The following CCDC7 variants were observed in gnomAD, a reference collection of about 807,000 sequenced individuals.
CCDC7 encodes coiled-coil domain-containing protein 7.
Under a neutral mutation model 196.9 loss-of-function variants are expected in CCDC7, and 183 were observed. The observed-to-expected ratio is 0.93, with a 90% CI of 0.82 to 1.05. The LOEUF is 1.05. CCDC7 is among the 50% of genes least tolerant of loss of function. CCDC7 has a pLI of 0.00. For missense variants in CCDC7, 1,540 were observed against 1,482.2 expected (o/e 1.04, Z -0.64); for synonymous variants, 525 against 484.6 (o/e 1.08, Z -1.10).
At chr10:32,754,336 G>A (rs1335987) in intron 28 of CCDC7, among the ~76,000 whole-genome samples, 52,131 of 151,956 alleles carry the variant, frequency 0.34, 11,329 homozygotes, top group Non-Finnish European at 0.49. Context: ...ATAAACACTA[G>A]GAAATATGTG....
intron 14 of CCDC7, among the ~76,000 whole-genome samples, chr10:32,566,284 G>A (rs2056776317): frequency 6.6e-6 from 1 of 151,800 alleles, no homozygotes; most frequent in Non-Finnish European, 1.5e-5. Context: ...TGTCTTTCTG[G>A]GAGACAGAAA....
intron 24 of CCDC7, among the ~76,000 whole-genome samples, chr10:32,706,175 C>T (rs963502151): frequency 6.6e-6 from 1 of 152,148 alleles, no homozygotes; most frequent in Non-Finnish European, 1.5e-5. Context: ...TCTTTCAAAA[C>T]TGCTCAACTA....
intron 16 of CCDC7, among the ~76,000 whole-genome samples, chr10:32,582,272 G>C (rs1338351812): frequency 6.6e-6 from 1 of 151,264 alleles, no homozygotes; most frequent in Non-Finnish European, 1.5e-5. Context: ...TTTTTCTTCT[G>C]TGAGACCAAA....
intron 41 of CCDC7, among the ~76,000 whole-genome samples, chr10:32,867,624 G>T (rs1390231555): frequency 6.6e-6 from 1 of 151,410 alleles, no homozygotes; most frequent in Non-Finnish European, 1.5e-5. Flanking sequence ...AATGGGCAAA[G>T]AATATAAGTA....
chr10:32,802,880 T>A (rs1218962609), intron 29 of CCDC7, among the ~76,000 whole-genome samples: 1 of 152,214 alleles, frequency 6.6e-6, no homozygotes, highest in Non-Finnish European at 1.5e-5. Flanking sequence ...TCTGCCTGCT[T>A]TTATTCTGGC....
At chr10:32,792,719 G>A (rs1481252797) in intron 29 of CCDC7, among the ~76,000 whole-genome samples, 1 of 152,178 alleles carries the variant, frequency 6.6e-6, no homozygotes, top group Non-Finnish European at 1.5e-5. Context: ...AGAATCACTT[G>A]AACCCAGGAG....
chr10:32,611,631 C>T (rs893380915), intron 18 of CCDC7, among the ~76,000 whole-genome samples: 4 of 152,216 alleles, frequency 2.6e-5, no homozygotes, highest in Non-Finnish European at 4.4e-5. Context: ...TTTCAGTTTT[C>T]TGCCTATGGC....
chr10:32,875,537 C>T (rs1056774030), intron 41 of CCDC7, among the ~76,000 whole-genome samples: 1 of 151,886 alleles, frequency 6.6e-6, no homozygotes, highest in African/African-American at 2.4e-5. Flanking sequence ...GTTACTGTAG[C>T]CTTGTATCAT....
intron 29 of CCDC7, among the ~76,000 whole-genome samples, chr10:32,792,619 G>C (rs2082885821): frequency 6.6e-6 from 1 of 152,114 alleles, no homozygotes; most frequent in South Asian, 2.1e-4. Flanking sequence ...TGGCCAACAT[G>C]GTGAAACCCC....
chr10:32,593,197 C>T (rs1420348101), intron 18 of CCDC7, among the ~76,000 whole-genome samples: 4 of 152,192 alleles, frequency 2.6e-5, no homozygotes, highest in African/African-American at 9.7e-5. Flanking sequence ...TCTCCACATC[C>T]TCTCCAGCAC....
chr10:32,634,859 A>T (rs576605768), intron 19 of CCDC7, among the ~76,000 whole-genome samples, 198 bp from the exon 21 acceptor site: 2 of 152,238 alleles, frequency 1.3e-5, no homozygotes, highest in Non-Finnish European at 2.9e-5. Flanking sequence ...TGGTATTTGC[A>T]TAGTCAGTGA....
At chr10:32,731,114 A>G (rs576920582) in intron 28 of CCDC7, among the ~76,000 whole-genome samples, 46 of 152,014 alleles carry the variant, frequency 3.0e-4, no homozygotes, top group Non-Finnish European at 5.9e-5. Context: ...TATACTGTCT[A>G]TGTTATTAGA....
chr10:32,446,855 GTTC>G (rs1354410138), upstream of CCDC7, among the ~76,000 whole-genome samples: 4 of 145,782 alleles, frequency 2.7e-5, no homozygotes, highest in Non-Finnish European at 4.6e-5. Flanking sequence ...CATTTGTCAG[GTTC>G]TTTTTTTTTG....
At chr10:32,701,022 C>G (rs2078622150) in intron 24 of CCDC7, among the ~76,000 whole-genome samples, 2 of 152,182 alleles carry the variant, frequency 1.3e-5, no homozygotes, top group African/African-American at 4.8e-5. Context: ...ATGACTTCCT[C>G]TTTTCCTAAT....
intron 20 of CCDC7, among the ~76,000 whole-genome samples, chr10:32,641,035 T>C (rs2066703430): frequency 6.6e-6 from 1 of 152,206 alleles, no homozygotes; most frequent in Non-Finnish European, 1.5e-5. Context: ...GTTACTCTGA[T>C]GGTCTTCCCT....
rs2037818522 is a variant in CCDC7 at position 32,470,946 on chromosome 10, TATAG to T, written c.511-114_511-111del. 3.1e-6 allele frequency: 3 copies of T among 969,814 alleles called. No individual in the cohort carries two copies. The East Asian group carries it at 8.6e-5, about 28-fold the overall frequency. The allele number at this position is 969,814 out of a possible 1,614,324, so 60.1% of individuals were successfully genotyped here. A position where few individuals can be genotyped will look rare whatever the true frequency, so the allele number is the denominator to read the frequency against. On this transcript the variant is annotated intron_variant, in intron 5 of 41. Transcript: ENST00000639629. ...TATTGTATCATTACTTGGCTATAGC[TATAG>T]ATAAGAAAAATATAAAAATTACTTT...
chr10:32,675,774 A>G (rs1321713909), intron 21 of CCDC7: 1 of 152,266 alleles, frequency 6.6e-6, no homozygotes, highest in Admixed American at 6.5e-5. Flanking sequence ...GCTCATGGGA[A>G]GGAAGAATCA....
At chr10:32,857,895 TAAGAA>T (rs765667828) in intron 41 of CCDC7, among the ~76,000 whole-genome samples, 5 of 150,838 alleles carry the variant, frequency 3.3e-5, no homozygotes, top group African/African-American at 1.2e-4. Flanking sequence ...CTAGGCAAAC[TAAGAA>T]AAGAAGAGAA....
intron 29 of CCDC7, 33 bp from the exon 31 acceptor site, chr10:32,804,982 G>A (rs372515026): frequency 6.8e-5 from 94 of 1,388,712 alleles, no homozygotes; most frequent in Non-Finnish European, 8.5e-5. Flanking sequence ...GGATTACCTC[G>A]CAAAGTATTT....
Sources: gnomAD v4.1 joint callset for allele counts (sites outside exome capture counted in the v4.1 genomes callset) on GRCh38, gnomAD v4.1.1 for gene constraint, MANE v1.5 for transcripts, NCBI Gene and HGNC (gene_info 2026-07-23, HGNC 2026-07-21) for gene names.